Variants in ATRX observed in about 807,000 individuals in gnomAD.
ATRX encodes the protein ATRX chromatin remodeler.
Under a neutral mutation model 172.6 loss-of-function variants are expected in ATRX, and 12 were observed. That is an observed-to-expected ratio of 0.07 (90% CI 0.04 to 0.11). The LOEUF is 0.11. Ranked by LOEUF, ATRX falls within the 10% of genes least tolerant of loss-of-function variation. The pLI is 1.00. For missense variants in ATRX, 1,368 were observed against 1,767.4 expected (o/e 0.77, Z 4.05); for synonymous variants, 674 against 594.7 (o/e 1.13, Z -1.94).
chrX:77,549,538 G>A (rs1170872328), intron 30 of ATRX, among the ~76,000 whole-genome samples: 1 of 112,315 alleles, frequency 8.9e-6, no homozygotes, highest in South Asian at 3.6e-4. Context: ...CGTTAACAGA[G>A]GTTAGCTATT....
chrX:77,576,938 T>A (rs1024238627), intron 27 of ATRX, among the ~76,000 whole-genome samples: 9 of 112,367 alleles, frequency 8.0e-5, no homozygotes, highest in Admixed American at 7.5e-4. Flanking sequence ...TTCCACCATG[T>A]GTCAAAGTTT....
chrX:77,773,906 T>G (rs1488552893), intron 1 of ATRX, among the ~76,000 whole-genome samples: 1 of 111,141 alleles, frequency 9.0e-6, no homozygotes. Flanking sequence ...CAAATTCAAA[T>G]CAACTGGCCT....
intron 5 of ATRX, among the ~76,000 whole-genome samples, chrX:77,694,448 T>C (rs1557148693): frequency 1.8e-5 from 2 of 111,371 alleles, no homozygotes; most frequent in Non-Finnish European, 1.9e-5. Context: ...ATTACTCCTG[T>C]ATCTATACTG....
chrX:77,680,055 A>T (rs1443367620), intron 9 of ATRX, among the ~76,000 whole-genome samples: 1 of 112,143 alleles, frequency 8.9e-6, no homozygotes, highest in Non-Finnish European at 1.9e-5. Flanking sequence ...CCTGGTCTAA[A>T]CTGCTTATTC....
chrX:77,574,735 A>G (rs1557069449), intron 27 of ATRX, among the ~76,000 whole-genome samples: 1 of 111,751 alleles, frequency 8.9e-6, no homozygotes, highest in East Asian at 2.8e-4. Context: ...CTTATCAACA[A>G]CTTGATAATG....
intron 30 of ATRX, among the ~76,000 whole-genome samples, chrX:77,532,944 T>C (rs1288527738): frequency 9.0e-6 from 1 of 111,403 alleles, no homozygotes; most frequent in Non-Finnish European, 1.9e-5. Context: ...AACAAATCTA[T>C]GAGAAAGAAA....
intron 22 of ATRX, among the ~76,000 whole-genome samples, chrX:77,601,306 G>A (rs890280099): frequency 9.2e-5 from 10 of 108,855 alleles, no homozygotes; most frequent in Non-Finnish European, 1.7e-4. Flanking sequence ...TCTCCACCAA[G>A]AAAAACAAAA....
intron 22 of ATRX, among the ~76,000 whole-genome samples, chrX:77,602,420 T>C (rs1014933200): frequency 4.5e-5 from 5 of 110,172 alleles, no homozygotes; most frequent in African/African-American, 1.3e-4. Flanking sequence ...TTTTCCCTAC[T>C]GTTTTTCTGT....
intron 1 of ATRX, among the ~76,000 whole-genome samples, chrX:77,764,938 G>A (rs1397597941): frequency 8.9e-6 from 1 of 111,808 alleles, no homozygotes; most frequent in Non-Finnish European, 1.9e-5. Context: ...AATCCTCACA[G>A]GCCGAGGCAG....
At chrX:77,737,146 C>G (rs1287238327) in intron 1 of ATRX, among the ~76,000 whole-genome samples, 2 of 110,315 alleles carry the variant, frequency 1.8e-5, no homozygotes, top group Non-Finnish European at 3.8e-5. Flanking sequence ...AGTATTTGGC[C>G]AGGCGCAGTG....
chrX:77,555,352 C>T (rs782496812), intron 30 of ATRX, among the ~76,000 whole-genome samples: 2 of 111,721 alleles, frequency 1.8e-5, no homozygotes, highest in South Asian at 3.8e-4. Context: ...AATCTCATTA[C>T]TGGGTATATA....
chrX:77,707,561 A>G (rs1380748101), intron 2 of ATRX, among the ~76,000 whole-genome samples: 1 of 111,578 alleles, frequency 9.0e-6, no homozygotes, highest in East Asian at 2.8e-4. Flanking sequence ...CTTGGTCAAC[A>G]AATTAAGACC....
rs1557137388 is a variant in ATRX, at chrX:77,681,812, T to C, written c.3444A>G (p.Glu1148=). Residue 1148 remains glutamate (E), a synonymous_variant, in exon 9 of 35, where the codon GAA becomes GAG. Transcript: ENST00000373344. ...CAGATGATGATGAGCCACTTTGTAT[T>C]TCCTTAGTATTTCTCTTTGAACTTA... is the stretch of plus-strand genomic sequence containing the variant. ...RNLSSKRNTK[E]IQSGSSSSDA... 6 of 1,196,996 alleles carry C rather than the reference T, an allele frequency of 5.0e-6. No homozygotes were observed. The highest frequency in any genetic ancestry group is 6.7e-6 in the Non-Finnish European group (6 of 890,378).
At chrX:77,584,005 A>G (rs2065920365) in intron 27 of ATRX, among the ~76,000 whole-genome samples, 2 of 111,949 alleles carry the variant, frequency 1.8e-5, no homozygotes, top group South Asian at 7.3e-4. Context: ...AACAGCAAAC[A>G]ACCTGAAAGA....
At chrX:77,627,647 T>C (rs902752926) in intron 19 of ATRX, among the ~76,000 whole-genome samples, 1 of 106,276 alleles carries the variant, frequency 9.4e-6, no homozygotes, top group Non-Finnish European at 1.9e-5. Flanking sequence ...TATCTAGGTG[T>C]TGTCAGGAGT....
intron 30 of ATRX, among the ~76,000 whole-genome samples, chrX:77,542,122 A>C (rs1299215879): frequency 8.9e-6 from 1 of 112,396 alleles, no homozygotes; most frequent in African/African-American, 3.2e-5. Flanking sequence ...GCAAAGTCCC[A>C]GAATACAAAA....
At chrX:77,567,087 C>T (rs1268173869) in intron 28 of ATRX, among the ~76,000 whole-genome samples, 1 of 110,456 alleles carries the variant, frequency 9.1e-6, no homozygotes, top group Non-Finnish European at 1.9e-5. Context: ...ACAGCAACCA[C>T]TATCAAAGCT....
At chrX:77,549,288 G>C (rs906508197) in intron 30 of ATRX, among the ~76,000 whole-genome samples, 42 of 111,720 alleles carry the variant, frequency 3.8e-4, no homozygotes, top group African/African-American at 1.3e-3. Context: ...AGGTGGCTGA[G>C]GCACGAGAAT....
intron 10 of ATRX, among the ~76,000 whole-genome samples, chrX:77,665,805 A>G (rs2070203266): frequency 8.9e-6 from 1 of 111,977 alleles, no homozygotes; most frequent in African/African-American, 3.2e-5. Flanking sequence ...TGATCCTGAC[A>G]GTCTGCCATG....
Sources: gnomAD v4.1 joint callset for allele counts (sites outside exome capture counted in the v4.1 genomes callset) on GRCh38, gnomAD v4.1.1 for gene constraint, MANE v1.5 for transcripts, NCBI Gene and HGNC (gene_info 2026-07-23, HGNC 2026-07-21) for gene names.